Variants in ASTN2 observed in about 807,000 individuals in gnomAD.
ASTN2 encodes astrotactin-2.
ASTN2 carries 54 observed loss-of-function variants against 139.8 expected under a neutral mutation model. That is an observed-to-expected ratio of 0.39 (90% CI 0.31 to 0.48). The LOEUF is 0.48. Ranked by LOEUF, ASTN2 falls within the 20% of genes least tolerant of loss-of-function variation. The probability of loss-of-function intolerance (pLI) is 0.95; values close to 1 mark genes in which losing one functional copy is unlikely to be tolerated. For missense variants in ASTN2, 1,565 were observed against 1,725.1 expected, an observed-to-expected ratio of 0.91 and a Z score of 1.64; for synonymous variants, 756 against 719.5, an observed-to-expected ratio of 1.05 and a Z score of -0.81.
intron 15 of ASTN2, among the ~76,000 whole-genome samples, chr9:116,726,797 C>A (rs543766290): frequency 3.3e-5 from 5 of 152,164 alleles, no homozygotes; most frequent in Non-Finnish European, 7.3e-5. Flanking sequence ...CTCAAACAGG[C>A]ACATGAGCAA....
chr9:117,088,598 G>C (rs1828626132), intron 5 of ASTN2, among the ~76,000 whole-genome samples: 1 of 152,124 alleles, frequency 6.6e-6, no homozygotes, highest in Non-Finnish European at 1.5e-5. Context: ...GGATTCAGTG[G>C]TTCTTAGTTA....
chr9:117,178,132 A>G (rs969942645), intron 3 of ASTN2, among the ~76,000 whole-genome samples: 29 of 152,214 alleles, frequency 1.9e-4, no homozygotes, highest in African/African-American at 7.0e-4. Context: ...CTGACTTAGC[A>G]GTGCTTCATC....
At chr9:116,801,501 C>T (rs370834189) in intron 13 of ASTN2, among the ~76,000 whole-genome samples, 50 of 138,108 alleles carry the variant, frequency 3.6e-4, no homozygotes, top group African/African-American at 1.3e-3. Context: ...ATCGCGTGAA[C>T]CTGGGAGGTG....
chr9:116,902,658 T>C (rs908438824), intron 10 of ASTN2, among the ~76,000 whole-genome samples: 2 of 152,234 alleles, frequency 1.3e-5, no homozygotes, highest in Admixed American at 6.5e-5. Context: ...CGCCTAATGG[T>C]ACATTTCTCA....
intron 19 of ASTN2, chr9:116,546,476 G>T (rs1285518976): frequency 6.6e-6 from 1 of 152,172 alleles, no homozygotes; most frequent in African/African-American, 2.4e-5. Context: ...GGGGCTATGA[G>T]TTCTACCCTT....
intron 3 of ASTN2, among the ~76,000 whole-genome samples, chr9:117,206,943 C>G (rs1208396327): frequency 6.6e-6 from 1 of 152,156 alleles, no homozygotes; most frequent in Admixed American, 6.5e-5. Context: ...AGTTCTACGC[C>G]CCCTAAAAGA....
chr9:117,180,737 C>G (rs369420620), intron 3 of ASTN2: 3 of 1,592,420 alleles, frequency 1.9e-6, no homozygotes, highest in African/African-American at 2.7e-5. Context: ...TCCAGAGGGC[C>G]ACGACTGGGG....
At chr9:116,484,208 C>T (rs955707750) in intron 20 of ASTN2, among the ~76,000 whole-genome samples, 2 of 152,188 alleles carry the variant, frequency 1.3e-5, no homozygotes, top group East Asian at 1.9e-4. Context: ...GTGGCTAACA[C>T]GTCCTGCAGG....
chr9:116,622,273 C>T (rs1247160157), intron 17 of ASTN2, among the ~76,000 whole-genome samples: 1 of 152,136 alleles, frequency 6.6e-6, no homozygotes, highest in Non-Finnish European at 1.5e-5. Context: ...TCACATTTCT[C>T]CTGGAAGTTG....
At chr9:117,012,528 C>T (rs1837565403) in intron 6 of ASTN2, among the ~76,000 whole-genome samples, 1 of 152,128 alleles carries the variant, frequency 6.6e-6, no homozygotes, top group East Asian at 1.9e-4. Context: ...AGGGATAAAA[C>T]AAGAGAGATC....
At chr9:116,451,840 G>A (rs1848185484) in intron 20 of ASTN2, among the ~76,000 whole-genome samples, 3 of 151,606 alleles carry the variant, frequency 2.0e-5, no homozygotes, top group Admixed American at 1.3e-4. Flanking sequence ...TGATCTGAGT[G>A]TATTCATTCA....
intron 19 of ASTN2, among the ~76,000 whole-genome samples, chr9:116,590,219 A>C (rs931870184): frequency 5.3e-5 from 8 of 152,198 alleles, no homozygotes; most frequent in Admixed American, 6.5e-5. Flanking sequence ...CTGTGGATCC[A>C]GGCATTCCTG....
At chr9:117,181,003 A>G (rs1348042939) in intron 3 of ASTN2, 3 of 1,595,964 alleles carry the variant, frequency 1.9e-6, no homozygotes, top group Non-Finnish European at 2.5e-6. Context: ...GGCACCTCGC[A>G]TGCCTGTTTG....
chr9:117,198,108 T>G (rs1831569764), intron 3 of ASTN2, among the ~76,000 whole-genome samples: 1 of 152,152 alleles, frequency 6.6e-6, no homozygotes, highest in Non-Finnish European at 1.5e-5. Flanking sequence ...TGTGCAGGTT[T>G]GTCACATAGG....
chr9:117,228,296 T>C (rs990593892), intron 2 of ASTN2, among the ~76,000 whole-genome samples: 2 of 152,148 alleles, frequency 1.3e-5, no homozygotes, highest in African/African-American at 2.4e-5. Context: ...GAAACAAAGC[T>C]GCAAATCTGC....
At position 116,697,955 on chromosome 9, in the gene ASTN2, C is replaced by T. The variant is rs2132070638; in HGVS notation, c.2806+27816G>A. Reference sequence around the variant, plus strand: ...TTTGCAGCAAGATTACCCGCATAACCAGCTTGACCCAGCTGACAGACAATC... The same window carrying T: ...TTTGCAGCAAGATTACCCGCATAACTAGCTTGACCCAGCTGACAGACAATC... On this transcript the variant is annotated intron_variant, in intron 16 of 22. Coordinates refer to ENST00000313400, the MANE Select transcript of ASTN2 (RefSeq NM_001365068.1). 2 of 1,614,236 alleles carry T rather than the reference C, an allele frequency of 1.2e-6. No homozygotes were observed. The highest frequency in any genetic ancestry group is 2.2e-5 in the South Asian group (2 of 91,086).
At chr9:116,917,742 A>C (rs1048306217) in intron 10 of ASTN2, among the ~76,000 whole-genome samples, 11 of 152,280 alleles carry the variant, frequency 7.2e-5, no homozygotes, top group African/African-American at 2.6e-4. Context: ...TGATCATGTA[A>C]TTGGTTAATT....
chr9:116,754,804 G>A (rs1829492864), intron 13 of ASTN2, among the ~76,000 whole-genome samples: 2 of 152,236 alleles, frequency 1.3e-5, no homozygotes, highest in East Asian at 3.9e-4. Context: ...ATAATTCTGG[G>A]AGGAACAATT....
chr9:116,708,065 C>A (rs908235289), intron 16 of ASTN2, among the ~76,000 whole-genome samples: 1 of 152,014 alleles, frequency 6.6e-6, no homozygotes, highest in Admixed American at 6.6e-5. Flanking sequence ...CAAAATGGGA[C>A]GGCATGGACC....
Sources: gnomAD v4.1 joint callset for allele counts (sites outside exome capture counted in the v4.1 genomes callset) on GRCh38, gnomAD v4.1.1 for gene constraint, MANE v1.5 for transcripts, NCBI Gene and HGNC (gene_info 2026-07-23, HGNC 2026-07-21) for gene names.